Variants in IDI2 observed in about 807,000 individuals in gnomAD.
The protein encoded by IDI2 is isopentenyl-diphosphate delta-isomerase 2.
A neutral mutation model predicts 14.8 loss-of-function variants in IDI2; 18 were observed. The ratio of observed to expected loss-of-function variants is 1.22; its 90% CI spans 0.84 to 1.80. The LOEUF (loss-of-function observed/expected upper bound fraction) is 1.80. IDI2 is among the 40% of genes most tolerant of loss of function. IDI2 has a pLI of 0.00. For missense variants in IDI2, 316 were observed against 283.2 expected, an observed-to-expected ratio of 1.12 and a Z score of -0.83; for synonymous variants, 133 against 109.6, an observed-to-expected ratio of 1.21 and a Z score of -1.33.
rs778625929 is a variant in IDI2, at chr10:1,020,946, A to G, written c.236-49T>C. On this transcript the variant is annotated intron_variant, in intron 3 of 4. Coordinates refer to ENST00000277517, the MANE Select transcript of IDI2 (RefSeq NM_033261.3). ...ATCCCTCTTTATTCCTGAAAAGTGA[A>G]TATATTAAATACAAATGCAGATGCT... is the stretch of plus-strand genomic sequence containing the variant. 5.7e-6 allele frequency: 9 copies of G among 1,575,744 alleles called. No individual in the cohort carries two copies. In the Admixed American group the frequency reaches 1.4e-4, roughly 25 times the overall value.
intron 3 of IDI2, 159 bp downstream of exon 3, chr10:1,022,524 G>T: frequency 1.7e-6 from 1 of 594,630 alleles, no homozygotes; most frequent in Non-Finnish European, 3.1e-6. Flanking sequence ...AGAGCTATCA[G>T]CATAATTAGC....
intron 3 of IDI2, 41 bp downstream of exon 3, chr10:1,022,642 A>T: frequency 7.0e-7 from 1 of 1,430,034 alleles, no homozygotes; most frequent in Non-Finnish European, 9.9e-7. Context: ...AAGTCACATG[A>T]GATGCTCTCT....
chr10:1,021,918 C>T (rs1466026827), intron 3 of IDI2, among the ~76,000 whole-genome samples: 1 of 152,136 alleles, frequency 6.6e-6, no homozygotes, highest in Non-Finnish European at 1.5e-5. Context: ...ACAGCCTAGG[C>T]CAAAACACTT....
intron 4 of IDI2, 75 bp downstream of exon 4, chr10:1,020,686 CCAGCCT>C: frequency 1.4e-6 from 2 of 1,408,052 alleles, no homozygotes; most frequent in Non-Finnish European, 1.9e-6. Flanking sequence ...TGGTGTAGAT[CCAGCCT>C]GGACTTTGTT....
At chr10:1,025,278 G>A (rs1015128583) in intron 1 of IDI2, among the ~76,000 whole-genome samples, 2 of 152,066 alleles carry the variant, frequency 1.3e-5, no homozygotes, top group Non-Finnish European at 1.5e-5. Flanking sequence ...GGTGGCTCAC[G>A]TCTGTAATCC....
In IDI2 at chr10:1,024,734, T is replaced by C; in HGVS notation, c.-11A>G. The C allele has an allele frequency of 1.2e-6, 2 of 1,613,890 alleles. No individual in the cohort carries two copies. The highest frequency in any genetic ancestry group is 2.2e-5 in the East Asian group (1 of 44,876). On this transcript the variant is annotated 5_prime_UTR_variant, in exon 2 of 5. Coordinates refer to ENST00000277517, the MANE Select transcript of IDI2 (RefSeq NM_033261.3). Reference sequence around the variant, plus strand: ...ATTTATGTCAGACATAGCTGCTGGCTGTGACCCGACCTGAAATAGATGCAC... The same window carrying C: ...ATTTATGTCAGACATAGCTGCTGGCCGTGACCCGACCTGAAATAGATGCAC...
intron 4 of IDI2, among the ~76,000 whole-genome samples, chr10:1,020,485 G>A (rs569691040): frequency 2.0e-5 from 3 of 152,230 alleles, no homozygotes; most frequent in African/African-American, 7.2e-5. Context: ...CACCACGCCC[G>A]GCTTGAATTT....
chr10:1,021,982 G>A (rs762195061), intron 3 of IDI2, among the ~76,000 whole-genome samples: 12 of 152,082 alleles, frequency 7.9e-5, no homozygotes, highest in South Asian at 2.1e-4. Context: ...TTTTTTGGCC[G>A]GGCCCGGTGG....
At chr10:1,022,619 G>C (rs769154665) in intron 3 of IDI2, 64 bp downstream of exon 3, 5 of 1,254,420 alleles carry the variant, frequency 4.0e-6, no homozygotes, top group East Asian at 4.6e-5. Context: ...TCCTGTCCCA[G>C]ATTCCTCCGG....
Position 1,020,960 on chromosome 10 carries a change from A to G in IDI2, c.236-63T>C, listed in dbSNP as rs1165656863. ...CTGAAAAGTGAATATATTAAATACA[A>G]ATGCAGATGCTTCATGTAAAACCAT... On this transcript the variant is annotated intron_variant, in intron 3 of 4. Coordinates refer to ENST00000277517, the MANE Select transcript of IDI2 (RefSeq NM_033261.3). The G allele has an allele frequency of 2.6e-6, 4 of 1,519,748 alleles. No homozygotes were observed. The East Asian group carries it at 9.2e-5, about 35-fold the overall frequency. 94.1% of individuals were successfully genotyped at this position (1,519,748 alleles called of 1,614,324 possible).
intron 4 of IDI2, among the ~76,000 whole-genome samples, chr10:1,020,503 G>A (rs912013151): frequency 2.0e-5 from 3 of 152,012 alleles, no homozygotes; most frequent in African/African-American, 4.8e-5. Context: ...TTTCCTCTTC[G>A]GTGTGTGGTC....
In IDI2 at chr10:1,019,424, G is replaced by T; in HGVS notation, c.*93C>A. On this transcript the variant is annotated 3_prime_UTR_variant, in exon 5 of 5. Coordinates refer to ENST00000277517, the MANE Select transcript of IDI2 (RefSeq NM_033261.3). ...TGATGGGCAATCAAGTGCCCCTTTT[G>T]CCCTGTTTTTTGGAGAGGGTGTATC... 1 of 960,678 alleles carries T rather than the reference G, an allele frequency of 1.0e-6. No homozygotes were observed. The highest frequency in any genetic ancestry group is 1.5e-6 in the Non-Finnish European group (1 of 654,196). The allele number at this position is 960,678 out of a possible 1,614,324, so 59.5% of individuals were successfully genotyped here. A position where few individuals can be genotyped will look rare whatever the true frequency, so the allele number is the denominator to read the frequency against.
At chr10:1,025,569 G>A (rs1437362525) in intron 1 of IDI2, among the ~76,000 whole-genome samples, 2 of 151,666 alleles carry the variant, frequency 1.3e-5, no homozygotes, top group Admixed American at 6.6e-5. Context: ...ATGTTTTCAG[G>A]GTCATTTATC....
At chr10:1,021,493 C>A (rs1832099794) in intron 3 of IDI2, among the ~76,000 whole-genome samples, 1 of 152,226 alleles carries the variant, frequency 6.6e-6, no homozygotes, top group South Asian at 2.1e-4. Flanking sequence ...TCCTCAGACC[C>A]TCAGTGCTTC....
intron 2 of IDI2, 38 bp from the exon 3 acceptor site, chr10:1,022,813 G>A: frequency 6.9e-7 from 1 of 1,448,570 alleles, no homozygotes; most frequent in African/African-American, 1.4e-5. Context: ...GTGCATGCCT[G>A]GAGTCTGTAC....
intron 3 of IDI2, 39 bp downstream of exon 3, chr10:1,022,644 A>G: frequency 6.9e-7 from 1 of 1,439,742 alleles, no homozygotes; most frequent in Non-Finnish European, 9.8e-7. Context: ...GTCACATGAG[A>G]TGCTCTCTTC....
chr10:1,019,701 T>G lies in IDI2; in HGVS notation c.500A>C (p.Glu167Ala). 3 of 1,614,042 alleles carry G rather than the reference T, an allele frequency of 1.9e-6. No individual in the cohort carries two copies. Among genetic ancestry groups the G allele is most frequent in the Non-Finnish European group, 2.5e-6 (3 of 1,180,014 alleles). Reference protein sequence around the residue: ...KNVTLNPDPSETKSILYLSQE... With the variant: ...KNVTLNPDPSATKSILYLSQE... ...GGACAGGTAGAGGATGCTTTTCGTTTCACTGGGATCCGGGTTCAGAGTGAC... is the reference window on the plus strand; with the variant it reads ...GGACAGGTAGAGGATGCTTTTCGTTGCACTGGGATCCGGGTTCAGAGTGAC... Residue 167 changes from glutamate (E) to alanine (A), a missense_variant, in exon 5 of 5, where the codon GAA becomes GCA. Physicochemically the swap from Glu to Ala is moderately radical, Grantham distance 107 (BLOSUM62 -1). Transcript: ENST00000277517.
At chr10:1,020,120 A>G (rs2132181736) in intron 4 of IDI2, among the ~76,000 whole-genome samples, 1 of 152,346 alleles carries the variant, frequency 6.6e-6, no homozygotes, top group East Asian at 1.9e-4. Context: ...GAAACCGGCT[A>G]GCGTTGTCAG....
At chr10:1,024,788 G>T (rs1832183618) in intron 1 of IDI2, 44 bp from the exon 2 acceptor site, 6 of 1,597,246 alleles carry the variant, frequency 3.8e-6, no homozygotes. Context: ...GAAAGATATT[G>T]CCATCTCGTT....
Sources: gnomAD v4.1 joint callset for allele counts (sites outside exome capture counted in the v4.1 genomes callset) on GRCh38, gnomAD v4.1.1 for gene constraint, MANE v1.5 for transcripts, NCBI Gene and HGNC (gene_info 2026-07-23, HGNC 2026-07-21) for gene names.